PTPRD: variants seen among roughly 807,000 people sequenced by gnomAD.
PTPRD encodes protein tyrosine phosphatase receptor type D.
Under a neutral mutation model 214.5 loss-of-function variants are expected in PTPRD, and 34 were observed. The ratio of observed to expected loss-of-function variants is 0.16; its 90% CI spans 0.12 to 0.21. The LOEUF is 0.21. Among genes scored for constraint, PTPRD ranks in the 10% least tolerant of loss-of-function variants. PTPRD has a pLI of 1.00. For synonymous variants in PTPRD, 1,128 were observed against 845.7 expected (o/e 1.33, Z -5.79); for missense variants, 2,545 against 2,398.7 (o/e 1.06, Z -1.27).
chr9:9,680,231 T>A (rs1301367441), intron 7 of PTPRD, among the ~76,000 whole-genome samples: 5 of 151,842 alleles, frequency 3.3e-5, no homozygotes, highest in Non-Finnish European at 7.4e-5. Flanking sequence ...GCCTTTATCT[T>A]TGGTAATCTA....
At chr9:9,350,983 T>C (rs1341922101) in intron 9 of PTPRD, among the ~76,000 whole-genome samples, 5 of 151,994 alleles carry the variant, frequency 3.3e-5, no homozygotes, top group Admixed American at 6.6e-5. Context: ...GTCTGTTTCA[T>C]TTTAGATTGC....
At chr9:10,506,134 G>T (rs1309726343) in intron 2 of PTPRD, among the ~76,000 whole-genome samples, 1 of 152,114 alleles carries the variant, frequency 6.6e-6, no homozygotes, top group South Asian at 2.1e-4. Context: ...AGAATGTAAA[G>T]ATTCTCTATG....
intron 2 of PTPRD, among the ~76,000 whole-genome samples, chr9:10,398,844 A>C (rs2098221817): frequency 6.6e-6 from 1 of 152,016 alleles, no homozygotes; most frequent in African/African-American, 2.4e-5. Context: ...TCATTTTAGA[A>C]GTGAGAAAAC....
chr9:9,825,436 A>C (rs985716718), intron 5 of PTPRD, among the ~76,000 whole-genome samples: 1 of 151,482 alleles, frequency 6.6e-6, no homozygotes, highest in African/African-American at 2.4e-5. Context: ...GGGAGAAAGG[A>C]GGAAGAAAGA....
At chr9:10,261,011 T>A (rs1344658030) in intron 3 of PTPRD, among the ~76,000 whole-genome samples, 1 of 147,292 alleles carries the variant, frequency 6.8e-6, no homozygotes, top group Non-Finnish European at 1.5e-5. Context: ...TATATATGTA[T>A]ATATGTGTGT....
rs762016561 is a variant in PTPRD at position 10,394,414 on chromosome 9, CTTAG to C, written c.-599-53401_-599-53398del. ...GGCAATAAATGAATAATGCCTTCTTCTTAGTTAGGAACATACAAAGGACAAACAC... is the reference window on the plus strand; with the variant it reads ...GGCAATAAATGAATAATGCCTTCTTCTTAGGAACATACAAAGGACAAACAC... On this transcript the variant is annotated intron_variant, in intron 2 of 45. Transcript: ENST00000381196. 5.1e-4 allele frequency among the ~76,000 whole-genome samples: 78 copies of C among 151,614 alleles called. 1 individual carries two copies. Among genetic ancestry groups the C allele is most frequent in the Middle Eastern group, 3.4e-3 (1 of 294 alleles).
chr9:10,522,399 G>A (rs2052641692), intron 2 of PTPRD, among the ~76,000 whole-genome samples: 1 of 152,082 alleles, frequency 6.6e-6, no homozygotes, highest in South Asian at 2.1e-4. Context: ...TTTGAGAGGT[G>A]CTTTTCTATT....
intron 2 of PTPRD, among the ~76,000 whole-genome samples, chr9:10,567,888 AT>A (rs913846907): frequency 4.7e-5 from 7 of 150,156 alleles, no homozygotes; most frequent in African/African-American, 1.2e-4. Flanking sequence ...TGATTTTTGC[AT>A]TTTTTTGTCT....
intron 2 of PTPRD, among the ~76,000 whole-genome samples, chr9:10,526,076 A>G (rs1422426627): frequency 1.3e-5 from 2 of 152,102 alleles, no homozygotes; most frequent in African/African-American, 2.4e-5. Context: ...TAAGCAGTGA[A>G]GATTAGAACA....
rs112187399 is a variant in PTPRD, at chr9:8,729,448, TA to T, written c.64+4331del. Among the ~76,000 whole-genome samples, 219 of 149,964 alleles carry T rather than the reference TA, an allele frequency of 1.5e-3. 1 individual carries two copies. In the East Asian group the frequency reaches 0.037, roughly 26 times the overall value. ...AATTTTGATAACCTCTAGGTCAAAT[TA>T]AAAAAAAAAATTAGCACAGTGCTTC... is the stretch of plus-strand genomic sequence containing the variant. On this transcript the variant is annotated intron_variant, in intron 12 of 45. Transcript: ENST00000381196.
intron 3 of PTPRD, among the ~76,000 whole-genome samples, chr9:10,058,198 A>C (rs2097694372): frequency 6.6e-6 from 1 of 152,052 alleles, no homozygotes; most frequent in Non-Finnish European, 1.5e-5. Context: ...ACAAAAACTC[A>C]TGTCTTATTC....
At chr9:10,218,157 C>T (rs533761468) in intron 3 of PTPRD, among the ~76,000 whole-genome samples, 1 of 151,984 alleles carries the variant, frequency 6.6e-6, no homozygotes, top group South Asian at 2.1e-4. Context: ...ACAGCCTTTG[C>T]ATAGGCTTCT....
At chr9:8,982,331 C>G (rs2099316948) in intron 11 of PTPRD, among the ~76,000 whole-genome samples, 1 of 151,894 alleles carries the variant, frequency 6.6e-6, no homozygotes, top group South Asian at 2.1e-4. Context: ...AGGGCATAAA[C>G]TTTATAGATT....
At chr9:9,081,291 G>A (rs1569533223) in intron 10 of PTPRD, among the ~76,000 whole-genome samples, 1 of 152,156 alleles carries the variant, frequency 6.6e-6, no homozygotes, top group Admixed American at 6.5e-5. Flanking sequence ...CAGTTTCCAT[G>A]TAGTTGTTCG....
At chr9:8,689,510 G>A (rs1003869923) in intron 12 of PTPRD, among the ~76,000 whole-genome samples, 17 of 152,062 alleles carry the variant, frequency 1.1e-4, no homozygotes, top group East Asian at 9.7e-4. Flanking sequence ...ACATGGTGGC[G>A]GTAAAAGAAA....
rs1230440949 is a variant in PTPRD, at chr9:8,934,922, G to T, written c.-104+83775C>A. Among the ~76,000 whole-genome samples, 3 of 152,036 alleles carry T rather than the reference G, an allele frequency of 2.0e-5. No individual in the cohort carries two copies. The East Asian group carries it at 5.8e-4, about 30-fold the overall frequency. ...CATAATGTCCTCCAGTTTCATCCATGTAGTCACACATGACAGGATTTTCTT... is the reference window on the plus strand; with the variant it reads ...CATAATGTCCTCCAGTTTCATCCATTTAGTCACACATGACAGGATTTTCTT... On this transcript the variant is annotated intron_variant, in intron 11 of 45. Coordinates refer to ENST00000381196, the MANE Select transcript of PTPRD (RefSeq NM_002839.4).
chr9:10,037,661 G>C (rs2097211856), intron 3 of PTPRD, among the ~76,000 whole-genome samples: 1 of 150,448 alleles, frequency 6.6e-6, no homozygotes, highest in African/African-American at 2.4e-5. Flanking sequence ...ACCAAGACAA[G>C]TTCTCCATGG....
chr9:8,612,010 AAG>A, intron 14 of PTPRD, among the ~76,000 whole-genome samples: 1 of 151,636 alleles, frequency 6.6e-6, no homozygotes, highest in South Asian at 2.1e-4. Context: ...AGGGGAGGGA[AAG>A]AGAGCAGGAA....
At chr9:10,062,357 G>C (rs2097789987) in intron 3 of PTPRD, among the ~76,000 whole-genome samples, 1 of 152,030 alleles carries the variant, frequency 6.6e-6, no homozygotes, top group Non-Finnish European at 1.5e-5. Context: ...TGTAATCCCA[G>C]CATTTTGGGA....
Sources: allele counts gnomAD v4.1 joint callset (sites outside exome capture counted in the v4.1 genomes callset), GRCh38; gene constraint gnomAD v4.1.1; transcripts MANE v1.5; gene names NCBI Gene and HGNC (gene_info 2026-07-23, HGNC 2026-07-21).